Variants in PTPRD observed in about 807,000 individuals in gnomAD.
PTPRD encodes protein tyrosine phosphatase receptor type D.
A neutral mutation model predicts 214.5 loss-of-function variants in PTPRD; 34 were observed. That is an observed-to-expected ratio of 0.16 (90% confidence interval 0.12 to 0.21). The LOEUF is 0.21. PTPRD is among the 10% of genes least tolerant of loss of function. PTPRD has a pLI of 1.00. For synonymous variants in PTPRD, 1,128 were observed against 845.7 expected (o/e 1.33, Z -5.79); for missense variants, 2,545 against 2,398.7 (o/e 1.06, Z -1.27).
At chr9:10,374,649 G>A (rs2097693129) in intron 2 of PTPRD, among the ~76,000 whole-genome samples, 2 of 151,972 alleles carry the variant, frequency 1.3e-5, no homozygotes, top group Non-Finnish European at 2.9e-5. Flanking sequence ...TAAAAGAAGT[G>A]GGAGGTGGTA....
At chr9:10,162,077 T>C (rs1318404145) in intron 3 of PTPRD, among the ~76,000 whole-genome samples, 1 of 151,672 alleles carries the variant, frequency 6.6e-6, no homozygotes, top group East Asian at 1.9e-4. Context: ...AGGGGAACCC[T>C]TGCACACTAT....
At chr9:9,790,337 C>G (rs890284673) in intron 5 of PTPRD, among the ~76,000 whole-genome samples, 2 of 152,176 alleles carry the variant, frequency 1.3e-5, no homozygotes, top group Non-Finnish European at 2.9e-5. Context: ...CTGAAAGCCA[C>G]CTTCCCCAGG....
chr9:10,215,136 T>C (rs1023393158), intron 3 of PTPRD, among the ~76,000 whole-genome samples: 4 of 151,942 alleles, frequency 2.6e-5, no homozygotes, highest in Non-Finnish European at 5.9e-5. Context: ...GATACTATTA[T>C]CGACAAAAAT....
intron 2 of PTPRD, among the ~76,000 whole-genome samples, chr9:10,463,336 T>C (rs2098971905): frequency 6.6e-6 from 1 of 152,130 alleles, no homozygotes; most frequent in Non-Finnish European, 1.5e-5. Flanking sequence ...TACCAGAAGT[T>C]AAGCAGATGA....
chr9:10,009,669 A>T (rs965242153), intron 4 of PTPRD, among the ~76,000 whole-genome samples: 2 of 146,366 alleles, frequency 1.4e-5, no homozygotes, highest in East Asian at 4.0e-4. Context: ...AGTCTCTTCA[A>T]GATCAGAAAA....
intron 11 of PTPRD, among the ~76,000 whole-genome samples, chr9:8,775,356 G>C (rs2095428172): frequency 6.6e-6 from 1 of 152,034 alleles, no homozygotes; most frequent in African/African-American, 2.4e-5. Flanking sequence ...GTAAGACTGG[G>C]GACACTGCTA....
chr9:9,667,895 T>G (rs16930016), intron 7 of PTPRD, among the ~76,000 whole-genome samples: 2,970 of 152,256 alleles, frequency 0.02, 104 homozygotes, highest in African/African-American at 0.068. Context: ...AGCTCCCACT[T>G]TGTAAAACAT....
intron 33 of PTPRD, among the ~76,000 whole-genome samples, chr9:8,459,423 GA>G (rs1170864088): frequency 1.3e-5 from 2 of 151,728 alleles, no homozygotes; most frequent in East Asian, 3.9e-4. Flanking sequence ...ATTTGGATTG[GA>G]AAAAAATAAA....
chr9:9,269,234 G>A (rs1192827165), intron 9 of PTPRD, among the ~76,000 whole-genome samples: 2 of 151,332 alleles, frequency 1.3e-5, no homozygotes, highest in Non-Finnish European at 3.0e-5. Flanking sequence ...GTTATGAAAT[G>A]GTTAATAGGC....
intron 9 of PTPRD, among the ~76,000 whole-genome samples, chr9:9,215,146 AT>A (rs2133067433): frequency 6.6e-6 from 1 of 152,344 alleles, no homozygotes; most frequent in Admixed American, 6.5e-5. Flanking sequence ...AAATTGGTCC[AT>A]GTGCATTTGT....
At chr9:10,493,378 A>C (rs1224815372) in intron 2 of PTPRD, among the ~76,000 whole-genome samples, 1 of 152,086 alleles carries the variant, frequency 6.6e-6, no homozygotes, top group African/African-American at 2.4e-5. Context: ...ACAAAACAGC[A>C]TGGTACTGGT....
At chr9:10,387,997 T>G (rs963032004) in intron 2 of PTPRD, among the ~76,000 whole-genome samples, 2 of 151,428 alleles carry the variant, frequency 1.3e-5, no homozygotes, top group Non-Finnish European at 3.0e-5. Context: ...CAAGCATTGA[T>G]CTTAAATTCT....
rs371559988 is a variant in PTPRD at position 8,465,819 on chromosome 9, A to C, written c.3505-144T>G. ...TTCATATAGCACATCAGCATCACTA[A>C]ATCTCAGTTCTCTCAATATTTCAAA... On this transcript the variant is annotated intron_variant, in intron 31 of 45. Transcript: ENST00000381196. 2.1e-5 allele frequency: 14 copies of C among 663,314 alleles called. 1 individual carries two copies. The highest frequency in any genetic ancestry group is 2.7e-5 in the East Asian group (1 of 36,712). 41.1% of individuals were successfully genotyped at this position (663,314 alleles called of 1,614,324 possible). A position where few individuals can be genotyped will look rare whatever the true frequency, so the allele number is the denominator to read the frequency against.
chr9:9,214,998 C>T (rs1015526194), intron 9 of PTPRD, among the ~76,000 whole-genome samples: 6 of 152,196 alleles, frequency 3.9e-5, no homozygotes, highest in East Asian at 3.9e-4. Context: ...ATTCTGCTGC[C>T]TCTTGAACAC....
intron 6 of PTPRD, among the ~76,000 whole-genome samples, chr9:9,743,476 C>T (rs556283193): frequency 1.3e-5 from 2 of 152,028 alleles, no homozygotes; most frequent in Non-Finnish European, 2.9e-5. Flanking sequence ...CCTAGGTCAG[C>T]GCTTGTACTC....
chr9:9,411,039 C>G (rs1477571758), intron 8 of PTPRD, among the ~76,000 whole-genome samples: 1 of 150,150 alleles, frequency 6.7e-6, no homozygotes, highest in African/African-American at 2.5e-5. Flanking sequence ...TGCAAAACCT[C>G]TTTGTGTGTG....
rs192857391 is a variant in PTPRD, at chr9:10,224,271, G to A, written c.-545+116692C>T. On this transcript the variant is annotated intron_variant, in intron 3 of 45. Transcript: ENST00000381196. ...CATATGAGGTATATATTACACATGC[G>A]CAGATTAGTCAAATAAAGAGTTTAT... is the stretch of plus-strand genomic sequence containing the variant. 1.5e-3 allele frequency among the ~76,000 whole-genome samples: 232 copies of A among 151,702 alleles called. 1 individual carries two copies. Among genetic ancestry groups the A allele is most frequent in the African/African-American group, 4.2e-3 (173 of 41,302 alleles).
intron 10 of PTPRD, among the ~76,000 whole-genome samples, chr9:9,047,492 A>G (rs2099675111): frequency 6.6e-6 from 1 of 152,154 alleles, no homozygotes; most frequent in South Asian, 2.1e-4. Flanking sequence ...ATATTATCTG[A>G]TTTCAGACTA....
At chr9:8,729,011 G>C (rs2098623835) in intron 12 of PTPRD, among the ~76,000 whole-genome samples, 1 of 152,030 alleles carries the variant, frequency 6.6e-6, no homozygotes, top group African/African-American at 2.4e-5. Flanking sequence ...TTTCCTGCAA[G>C]ATAATTCCTG....
Sources: allele counts gnomAD v4.1 joint callset (sites outside exome capture counted in the v4.1 genomes callset), GRCh38; gene constraint gnomAD v4.1.1; transcripts MANE v1.5; gene names NCBI Gene and HGNC (gene_info 2026-07-23, HGNC 2026-07-21).